LARP1: variants seen among roughly 807,000 people sequenced by gnomAD.
LARP1 encodes la-related protein 1.
LARP1 carries 36 observed loss-of-function variants against 122.7 expected under a neutral mutation model. The observed-to-expected ratio is 0.29, with a 90% confidence interval of 0.22 to 0.39. The LOEUF (loss-of-function observed/expected upper bound fraction) is 0.39. Among genes scored for constraint, LARP1 ranks in the 10% least tolerant of loss-of-function variants. LARP1 has a pLI of 1.00. For missense variants in LARP1, 1,040 were observed against 1,403.6 expected, an observed-to-expected ratio of 0.74 and a Z score of 4.14; for synonymous variants, 539 against 528.7, an observed-to-expected ratio of 1.02 and a Z score of -0.27.
intron 8 of LARP1, among the ~76,000 whole-genome samples, chr5:154,798,297 G>C (rs1758052374): frequency 6.6e-6 from 1 of 152,050 alleles, no homozygotes; most frequent in South Asian, 2.1e-4. Flanking sequence ...TTCCATTTAA[G>C]AAAAAAGCAA....
At chr5:154,710,675 G>T (rs528791353), upstream of LARP1, among the ~76,000 whole-genome samples, 1 of 150,326 alleles carries the variant, frequency 6.7e-6, no homozygotes, top group East Asian at 2.0e-4. Flanking sequence ...CTCAGGAGGT[G>T]GAAGTTGCAG....
At chr5:154,743,282 C>T (rs773848924) in intron 1 of LARP1, among the ~76,000 whole-genome samples, 1 of 151,482 alleles carries the variant, frequency 6.6e-6, no homozygotes, top group Non-Finnish European at 1.5e-5. Flanking sequence ...TATTATTAAC[C>T]GCAAGGGCTA....
At chr5:154,760,618 C>T (rs1218566659) in intron 1 of LARP1, among the ~76,000 whole-genome samples, 1 of 152,126 alleles carries the variant, frequency 6.6e-6, no homozygotes, top group African/African-American at 2.4e-5. Flanking sequence ...TTTCCTCCAC[C>T]AAATAAAAAC....
At chr5:154,797,067 T>C (rs1757921471) in intron 8 of LARP1, among the ~76,000 whole-genome samples, 1 of 152,150 alleles carries the variant, frequency 6.6e-6, no homozygotes, top group Admixed American at 6.5e-5. Context: ...TTAAAAGGAA[T>C]TCTAGTTCCT....
chr5:154,706,717 T>C (rs78393202), intron 1 of LARP1, among the ~76,000 whole-genome samples: 6,024 of 150,748 alleles, frequency 0.04, 284 homozygotes, highest in East Asian at 0.17. Flanking sequence ...AAAATAAAAG[T>C]TGGAAAGTTG....
chr5:154,796,234 A>C (rs559716698), intron 8 of LARP1, among the ~76,000 whole-genome samples: 1 of 142,520 alleles, frequency 7.0e-6, no homozygotes, highest in Admixed American at 7.6e-5. Flanking sequence ...AATAATACCT[A>C]TAGGCTGGGT....
intron 8 of LARP1, among the ~76,000 whole-genome samples, 155 bp downstream of exon 8, chr5:154,795,474 T>G (rs1757674453): frequency 6.6e-6 from 1 of 152,116 alleles, no homozygotes; most frequent in African/African-American, 2.4e-5. Context: ...CCCTCCTTCC[T>G]TCCTTTCTCT....
At chr5:154,743,811 G>A (rs565564970) in intron 1 of LARP1, among the ~76,000 whole-genome samples, 2 of 151,884 alleles carry the variant, frequency 1.3e-5, no homozygotes, top group South Asian at 2.1e-4. Flanking sequence ...ATAGAGATGG[G>A]GTTTCACCAT....
intron 1 of LARP1, among the ~76,000 whole-genome samples, chr5:154,745,386 C>G (rs1487071317): frequency 6.6e-6 from 1 of 152,214 alleles, no homozygotes; most frequent in Non-Finnish European, 1.5e-5. Context: ...CTTCTCCTAA[C>G]TCTATGCCAG....
intron 8 of LARP1, among the ~76,000 whole-genome samples, chr5:154,795,871 A>G (rs1757717932): frequency 7.5e-6 from 1 of 133,074 alleles, no homozygotes; most frequent in East Asian, 2.0e-4. Flanking sequence ...ATACATTTAT[A>G]TATAAAATAT....
In LARP1 at chr5:154,778,258, T is replaced by TTAAAAA. The variant is rs1326085254; in HGVS notation, c.437-12067_437-12066insTAAAAA. The stretch of plus-strand genomic sequence containing the variant: ...CTGGGCCACAGAGCGAGACTCCGTC[T>TTAAAAA]AAAAAAAAAAAAAAAAAAAGTGCAG... On this transcript the variant is annotated intron_variant, in intron 1 of 18. Coordinates refer to ENST00000518297, the MANE Select transcript of LARP1 (RefSeq NM_033551.3). Among the ~76,000 whole-genome samples, 118 of 119,708 alleles carry TTAAAAA rather than the reference T, an allele frequency of 9.9e-4. 3 individuals carry two copies. The highest frequency in any genetic ancestry group is 2.2e-3 in the African/African-American group (71 of 32,426). The allele number at this position is 119,708 out of a possible 152,430, so 78.5% of individuals were successfully genotyped here.
At chr5:154,700,953 G>T (rs1009233814) in intron 1 of LARP1, among the ~76,000 whole-genome samples, 1 of 151,888 alleles carries the variant, frequency 6.6e-6, no homozygotes, top group African/African-American at 2.4e-5. Context: ...GTGTCAGAGA[G>T]AGACTCCATC....
chr5:154,720,859 G>A (rs971830735), intron 1 of LARP1, among the ~76,000 whole-genome samples: 2 of 152,256 alleles, frequency 1.3e-5, no homozygotes, highest in African/African-American at 2.4e-5. Flanking sequence ...TGCGGGCTAC[G>A]GAACCCTGAA....
chr5:154,803,444 G>A lies in LARP1; in HGVS notation c.2233+31G>A. The A allele has an allele frequency of 6.2e-7, 1 of 1,614,114 alleles. No individual in the cohort carries two copies. The highest frequency in any genetic ancestry group is 8.5e-7 in the Non-Finnish European group (1 of 1,180,014). On this transcript the variant is annotated intron_variant, in intron 12 of 18. Transcript: ENST00000518297. The surrounding 1 kb of genome is among the most constrained non-coding windows in gnomAD (Gnocchi z 4.4). Reference sequence around the variant, plus strand: ...AAGCAGACACCTGAGATCCTGACATGGGTGAGAGGATCTAGGGCCCTTGGA... The same window carrying A: ...AAGCAGACACCTGAGATCCTGACATAGGTGAGAGGATCTAGGGCCCTTGGA...
At chr5:154,790,081 T>TTGGCTGC (rs1271408307) in intron 1 of LARP1, among the ~76,000 whole-genome samples, 21 of 152,332 alleles carry the variant, frequency 1.4e-4, no homozygotes, top group Middle Eastern at 6.8e-3. Context: ...TTCTTGGGTT[T>TTGGCTGC]TGGCTGCTGG....
chr5:154,732,305 A>G (rs1756638086), intron 1 of LARP1, among the ~76,000 whole-genome samples: 1 of 152,128 alleles, frequency 6.6e-6, no homozygotes, highest in South Asian at 2.1e-4. Flanking sequence ...AAATTTGGTA[A>G]CGTGGCCTTT....
intron 1 of LARP1, among the ~76,000 whole-genome samples, chr5:154,700,813 C>T (rs1037137289): frequency 2.6e-5 from 4 of 151,244 alleles, no homozygotes; most frequent in Non-Finnish European, 5.9e-5. Flanking sequence ...TTTGTTTAGC[C>T]GGGGGTGGTG....
intron 8 of LARP1, among the ~76,000 whole-genome samples, chr5:154,796,023 T>C (rs935396711): frequency 1.0e-5 from 1 of 99,010 alleles, no homozygotes; most frequent in Non-Finnish European, 1.9e-5. Flanking sequence ...TTATATATTA[T>C]ATATATTTTT....
intron 1 of LARP1, among the ~76,000 whole-genome samples, chr5:154,763,072 T>C (rs886566788): frequency 3.5e-5 from 5 of 143,328 alleles, no homozygotes; most frequent in Admixed American, 7.1e-5. Context: ...TTTTTTTTTT[T>C]CTTTTTTTGA....
Sources: gnomAD v4.1 joint callset for allele counts (sites outside exome capture counted in the v4.1 genomes callset) on GRCh38, gnomAD v4.1.1 for gene constraint, Gnocchi (gnomAD v3.1) non-coding constraint, MANE v1.5 for transcripts, NCBI Gene and HGNC (gene_info 2026-07-23, HGNC 2026-07-21) for gene names.